Variants in C9orf78 observed in about 807,000 individuals in gnomAD.
C9orf78 encodes chromosome 9 open reading frame 78, also known as splicing factor C9orf78.
Under a neutral mutation model 37.4 loss-of-function variants are expected in C9orf78, and 19 were observed. That is an observed-to-expected ratio of 0.51 (90% confidence interval 0.35 to 0.74). The LOEUF (loss-of-function observed/expected upper bound fraction) is 0.74, where lower values mean the gene tolerates loss of function less well. Ranked by LOEUF, C9orf78 falls within the 30% of genes least tolerant of loss-of-function variation. The pLI is 0.01. For missense variants in C9orf78, 291 were observed against 370.8 expected, an observed-to-expected ratio of 0.78 and a Z score of 1.77; for synonymous variants, 130 against 128.0, an observed-to-expected ratio of 1.02 and a Z score of -0.10.
intron 2 of C9orf78, chr9:129,833,948 A>G (rs985099692): frequency 3.9e-6 from 2 of 512,936 alleles, no homozygotes; most frequent in African/African-American, 3.9e-5. Context: ...CTTTCCTGTA[A>G]AGCCATTTGG....
rs2031487899 is a variant in C9orf78, at chr9:129,831,201, A to C, written c.345-133T>G. The C allele has an allele frequency of 6.1e-6, 4 of 658,008 alleles. No homozygotes were observed. The East Asian group carries it at 1.0e-4, about 17-fold the overall frequency. The allele number at this position is 658,008 out of a possible 1,614,324, so 40.8% of individuals were successfully genotyped here. A position where few individuals can be genotyped will look rare whatever the true frequency, so the allele number is the denominator to read the frequency against. On this transcript the variant is annotated intron_variant, in intron 5 of 8. Transcript: ENST00000372447. The stretch of plus-strand genomic sequence containing the variant: ...GAGAAACGAGAAAAAAAATAACTTG[A>C]GTTTTTTCATCAAGTTAGAAATTTT...
chr9:129,832,029 G>C, intron 4 of C9orf78, 56 bp from the exon 5 acceptor site: 1 of 823,364 alleles, frequency 1.2e-6, no homozygotes, highest in East Asian at 2.5e-5. Context: ...ATGAGGCTGA[G>C]TTTTATGTTC....
chr9:129,828,409 G>T, intron 8 of C9orf78, 157 bp from the exon 9 acceptor site: 1 of 415,606 alleles, frequency 2.4e-6, no homozygotes, highest in Non-Finnish European at 4.1e-6. Flanking sequence ...ATACGTATTT[G>T]TCTTTTTTTT....
chr9:129,829,099 C>T (rs1373651918), intron 8 of C9orf78, 106 bp downstream of exon 8: 5 of 781,442 alleles, frequency 6.4e-6, no homozygotes, highest in Non-Finnish European at 1.1e-5. Context: ...CCCATATGCC[C>T]CGGCTCCAAT....
Position 129,831,918 on chromosome 9 carries a change from G to T in C9orf78, c.322C>A (p.Arg108=), listed in dbSNP as rs769018018. 38 of 1,587,806 alleles carry T rather than the reference G, an allele frequency of 2.4e-5. No individual in the cohort carries two copies. Among genetic ancestry groups the T allele is most frequent in the East Asian group, 8.9e-5 (4 of 44,740 alleles). ...TACATGTCTGCATCCTCATCCCTTC[G>T]GTTGGTTTCTGCAGAAAACGATGTC... The part of the protein sequence containing the change: ...LGTSFSAETN[R]RDEDADMMKY... Residue 108 remains arginine, a synonymous_variant, in exon 5 of 9, where the codon CGA becomes AGA. Transcript: ENST00000372447.
chr9:129,833,729 A>G lies in C9orf78; in HGVS notation c.144-20T>C. Reference sequence around the variant, plus strand: ...ACAGCACTGAGCAAAACCAAAAAAAAAAGAGAGGGGGAGAGAGAGAAATGG... The same window carrying G: ...ACAGCACTGAGCAAAACCAAAAAAAGAAGAGAGGGGGAGAGAGAGAAATGG... On this transcript the variant is annotated intron_variant, in intron 2 of 8. Coordinates refer to ENST00000372447, the MANE Select transcript of C9orf78 (RefSeq NM_016520.3). 1 of 1,594,070 alleles carries G rather than the reference A, an allele frequency of 6.3e-7. No individual in the cohort carries two copies. The highest frequency in any genetic ancestry group is 1.1e-5 in the South Asian group (1 of 90,300).
Position 129,834,520 on chromosome 9 carries a change from C to T in C9orf78, c.143+187G>A. 7 of 551,900 alleles carry T rather than the reference C, an allele frequency of 1.3e-5. No homozygotes were observed. The South Asian group carries it at 1.7e-4, about 13-fold the overall frequency. 34.2% of individuals were successfully genotyped at this position (551,900 alleles called of 1,614,324 possible). ...TGTATCTCTGGAGCACACCCCGAGA[C>T]GACACAGCTCAGGGCATGTCCTGGT... On this transcript the variant is annotated intron_variant, in intron 2 of 8. Coordinates refer to ENST00000372447, the MANE Select transcript of C9orf78 (RefSeq NM_016520.3).
chr9:129,829,467 T>C lies in C9orf78; in HGVS notation c.617A>G (p.Lys206Arg). Residue 206 changes from lysine to arginine, a missense_variant, in exon 7 of 9, where the codon AAA becomes AGA. Lys to Arg is a conservative substitution (Grantham distance 26). Coordinates refer to ENST00000372447, the MANE Select transcript of C9orf78 (RefSeq NM_016520.3). Reference sequence around the variant, plus strand: ...AGGCACGAAGGAGGTCTCGCTGTCTTTCTTCTTGTTCTGCTGCTCTGCCAG... The same window carrying C: ...AGGCACGAAGGAGGTCTCGCTGTCTCTCTTCTTGTTCTGCTGCTCTGCCAG... ...RLLAEQQNKK[K>R]DSETSFVPTN... The C allele has an allele frequency of 6.2e-7, 1 of 1,614,088 alleles. No individual in the cohort carries two copies. Among genetic ancestry groups the C allele is most frequent in the Admixed American group, 1.7e-5 (1 of 60,020 alleles).
rs2031501200 is a variant in C9orf78, at chr9:129,831,702, G to A, written c.344+194C>T. The stretch of plus-strand genomic sequence containing the variant: ...GCCTCCCAAAGTGCTGGGACTACAG[G>A]TGAGAGCTACCGTGCCCGGCCTGAA... On this transcript the variant is annotated intron_variant, in intron 5 of 8. Transcript: ENST00000372447. 22 of 547,116 alleles carry A rather than the reference G, an allele frequency of 4.0e-5. No individual in the cohort carries two copies. In the South Asian group the frequency reaches 4.1e-4, roughly 10 times the overall value. 33.9% of individuals were successfully genotyped at this position (547,116 alleles called of 1,614,324 possible).
At chr9:129,833,730 A>G (rs2031583693) in intron 2 of C9orf78, 21 bp from the exon 3 acceptor site, 5 of 1,590,562 alleles carry the variant, frequency 3.1e-6, no homozygotes, top group East Asian at 4.5e-5. Flanking sequence ...CCAAAAAAAA[A>G]AGAGAGGGGG....
chr9:129,833,011 G>GTATATATA (rs1198150874), intron 4 of C9orf78, among the ~76,000 whole-genome samples: 8 of 141,972 alleles, frequency 5.6e-5, no homozygotes, highest in African/African-American at 1.7e-4. Flanking sequence ...GTGTGTGTGT[G>GTATATATA]TGTGTATATG....
Position 129,830,903 on chromosome 9 carries a change from C to T in C9orf78, c.510G>A (p.Leu170=). The change falls in exon 6 of 9, where the codon CTG becomes CTA. Residue 170 remains leucine (L), a synonymous_variant. Coordinates refer to ENST00000372447, the MANE Select transcript of C9orf78 (RefSeq NM_016520.3). The part of the protein sequence containing the change: ...KTEEMLSNQM[L]SGIPEVDLGI... ...CCAGGTCCACCTCAGGAATGCCACT[C>T]AGCATCTGGTTGGAAAGCATCTCCT... is the stretch of plus-strand genomic sequence containing the variant. The T allele has an allele frequency of 6.2e-7, 1 of 1,613,944 alleles. No homozygotes were observed. Among genetic ancestry groups the T allele is most frequent in the Non-Finnish European group, 8.5e-7 (1 of 1,179,794 alleles).
At chr9:129,835,025 G>A (rs933968446) in intron 1 of C9orf78, 114 bp downstream of exon 1, 5 of 904,266 alleles carry the variant, frequency 5.5e-6, no homozygotes, top group African/African-American at 5.0e-5. Context: ...GTCCGCAGAA[G>A]GAACCACCAC....
intron 2 of C9orf78, 88 bp downstream of exon 2, chr9:129,834,619 C>A (rs1243245136): frequency 1.2e-5 from 11 of 894,256 alleles, no homozygotes; most frequent in Non-Finnish European, 2.0e-5. Flanking sequence ...GAAAAATCTA[C>A]GTCTGAGGAG....
chr9:129,832,086 T>C lies in C9orf78; in HGVS notation c.267-113A>G, dbSNP rs996276604. 6.5e-5 allele frequency: 39 copies of C among 598,884 alleles called. No individual in the cohort carries two copies. In the Admixed American group the frequency reaches 9.5e-4, roughly 15 times the overall value. The allele number at this position is 598,884 out of a possible 1,614,324, so 37.1% of individuals were successfully genotyped here. A position where few individuals can be genotyped will look rare whatever the true frequency, so the allele number is the denominator to read the frequency against. On this transcript the variant is annotated intron_variant, in intron 4 of 8. Coordinates refer to ENST00000372447, the MANE Select transcript of C9orf78 (RefSeq NM_016520.3). ...AGCATTTATAATATCCTATTTACAG[T>C]TGGCAAAAAAAAAAAAATGCCGTAG...
chr9:129,835,269 C>A lies in C9orf78; in HGVS notation c.-48G>T. 1 of 1,398,112 alleles carries A rather than the reference C, an allele frequency of 7.2e-7. No homozygotes were observed. The highest frequency in any genetic ancestry group is 9.9e-7 in the Non-Finnish European group (1 of 1,010,440). The allele number at this position is 1,398,112 out of a possible 1,614,324, so 86.6% of individuals were successfully genotyped here. On this transcript the variant is annotated 5_prime_UTR_variant, in exon 1 of 9. Coordinates refer to ENST00000372447, the MANE Select transcript of C9orf78 (RefSeq NM_016520.3). Reference sequence around the variant, plus strand: ...AGCCGCCGCGCCTCTGCGCAGCGGCCCAGGCTGCTTCCGGCGCGCGGCAGA... The same window carrying A: ...AGCCGCCGCGCCTCTGCGCAGCGGCACAGGCTGCTTCCGGCGCGCGGCAGA...
intron 7 of C9orf78, 24 bp downstream of exon 7, chr9:129,829,381 A>G: frequency 1.2e-6 from 2 of 1,611,312 alleles, no homozygotes; most frequent in Non-Finnish European, 1.7e-6. Flanking sequence ...GAATGGGGGC[A>G]AGACTGCTCT....
rs201311453 is a variant in C9orf78, at chr9:129,833,732, G to C, written c.144-23C>G. On this transcript the variant is annotated intron_variant, in intron 2 of 8. Transcript: ENST00000372447. The stretch of plus-strand genomic sequence containing the variant: ...GCACTGAGCAAAACCAAAAAAAAAA[G>C]AGAGGGGGAGAGAGAGAAATGGCAT... 9.7e-6 allele frequency: 15 copies of C among 1,541,430 alleles called. No homozygotes were observed. In the African/African-American group the frequency reaches 1.7e-4, roughly 17 times the overall value.
At chr9:129,834,974 G>C in intron 1 of C9orf78, 165 bp downstream of exon 1, 1 of 686,500 alleles carries the variant, frequency 1.5e-6, no homozygotes, top group Non-Finnish European at 2.5e-6. Context: ...AACCGTTCGA[G>C]CTTGGGGCGG....
Sources: gnomAD v4.1 joint callset for allele counts (sites outside exome capture counted in the v4.1 genomes callset) on GRCh38, gnomAD v4.1.1 for gene constraint, MANE v1.5 for transcripts, NCBI Gene and HGNC (gene_info 2026-07-23, HGNC 2026-07-21) for gene names.